Variants in MBD5 observed in about 807,000 individuals in gnomAD.
The protein encoded by MBD5 is methyl-CpG-binding domain protein 5.
MBD5 carries 13 observed loss-of-function variants against 117.3 expected under a neutral mutation model. The observed-to-expected ratio is 0.11, with a 90% CI of 0.07 to 0.18. MBD5 has a LOEUF of 0.18. MBD5 is among the 10% of genes least tolerant of loss of function. The probability of loss-of-function intolerance (pLI) is 1.00; values close to 1 mark genes in which losing one functional copy is unlikely to be tolerated. For synonymous variants in MBD5, 727 were observed against 766.4 expected, an observed-to-expected ratio of 0.95 and a Z score of 0.85; for missense variants, 1,879 against 2,093.8, an observed-to-expected ratio of 0.90 and a Z score of 2.00.
At chr2:148,474,342 C>A (rs569612695) in intron 8 of MBD5, among the ~76,000 whole-genome samples, 1 of 152,278 alleles carries the variant, frequency 6.6e-6, no homozygotes, top group East Asian at 1.9e-4. Context: ...AGTATCCACA[C>A]AATGACCCAT....
At chr2:148,320,919 T>A (rs887876559) in intron 3 of MBD5, among the ~76,000 whole-genome samples, 1 of 152,224 alleles carries the variant, frequency 6.6e-6, no homozygotes, top group Non-Finnish European at 1.5e-5. Flanking sequence ...TATTGGTTTA[T>A]CAATTTTGTT....
intron 4 of MBD5, among the ~76,000 whole-genome samples, chr2:148,403,974 T>C (rs1705001978): frequency 6.6e-6 from 1 of 152,184 alleles, no homozygotes; most frequent in South Asian, 2.1e-4. Context: ...TAAATGAAAT[T>C]ATAGAGTATA....
At chr2:148,110,922 A>G (rs1228064428) in intron 1 of MBD5, among the ~76,000 whole-genome samples, 1 of 151,672 alleles carries the variant, frequency 6.6e-6, no homozygotes, top group Non-Finnish European at 1.5e-5. Context: ...TTTCATTTCT[A>G]TAGCTTCTGA....
Position 148,482,710 on chromosome 2 carries a change from A to T in MBD5, c.2519-400A>T, listed in dbSNP as rs192762924. Among the ~76,000 whole-genome samples, 527 of 152,262 alleles carry T rather than the reference A, an allele frequency of 3.5e-3. 2 individuals are homozygous for T. Among genetic ancestry groups the T allele is most frequent in the African/African-American group, 0.012 (493 of 41,554 alleles). On this transcript the variant is annotated intron_variant, in intron 8 of 13. Coordinates refer to ENST00000642680, the MANE Select transcript of MBD5 (RefSeq NM_001378120.1). Reference sequence around the variant, plus strand: ...ACAAATAACTTTTTTAATGAAAAAAATTTTTAAAATAAAACTACTGCTTTT... The same window carrying T: ...ACAAATAACTTTTTTAATGAAAAAATTTTTTAAAATAAAACTACTGCTTTT...
At chr2:148,101,604 A>G (rs1696218429) in intron 1 of MBD5, among the ~76,000 whole-genome samples, 6 of 152,252 alleles carry the variant, frequency 3.9e-5, no homozygotes, top group African/African-American at 1.4e-4. Context: ...TTCAGAAACT[A>G]TAGGGATTTC....
chr2:148,248,369 A>G (rs1186115514), intron 3 of MBD5, among the ~76,000 whole-genome samples: 1 of 152,182 alleles, frequency 6.6e-6, no homozygotes, highest in Admixed American at 6.5e-5. Context: ...CATAAGTGAT[A>G]CCAAAAAACA....
rs1693735675 is a variant in MBD5 at position 148,021,595 on chromosome 2, C to T, written c.-1014C>T. On this transcript the variant is annotated 5_prime_UTR_variant, in exon 1 of 14. Coordinates refer to ENST00000642680, the MANE Select transcript of MBD5 (RefSeq NM_001378120.1). The stretch of plus-strand genomic sequence containing the variant: ...CCCCAGCTCTCCTCCTCCTCCTTCG[C>T]CTCCTCCTCCTCCACTCCCCCCCTT... The T allele has an allele frequency of 8.5e-6, 4 of 470,484 alleles. No homozygotes were observed. Among genetic ancestry groups the T allele is most frequent in the Non-Finnish European group, 1.7e-5 (4 of 239,310 alleles). The allele number at this position is 470,484 out of a possible 1,614,324, so 29.1% of individuals were successfully genotyped here.
intron 1 of MBD5, among the ~76,000 whole-genome samples, chr2:148,077,812 G>C (rs1317094255): frequency 6.6e-6 from 1 of 152,070 alleles, no homozygotes; most frequent in East Asian, 1.9e-4. Context: ...TAGCATGAGG[G>C]TAGGGTGAAC....
intron 4 of MBD5, among the ~76,000 whole-genome samples, chr2:148,423,917 GC>G (rs1437723274): frequency 2.6e-5 from 4 of 151,960 alleles, no homozygotes; most frequent in Admixed American, 1.3e-4. Flanking sequence ...GGTGGCTCAC[GC>G]CTGTAATCCC....
At chr2:148,475,125 CTG>C (rs1389323238) in intron 8 of MBD5, among the ~76,000 whole-genome samples, 3 of 152,074 alleles carry the variant, frequency 2.0e-5, no homozygotes, top group Non-Finnish European at 2.9e-5. Flanking sequence ...AAGGCTGTGA[CTG>C]AATAAATATG....
At chr2:148,110,823 A>G (rs1696488741) in intron 1 of MBD5, among the ~76,000 whole-genome samples, 1 of 151,700 alleles carries the variant, frequency 6.6e-6, no homozygotes, top group South Asian at 2.1e-4. Context: ...CTACCCTGTA[A>G]GAGACTTCTT....
chr2:148,441,588 C>G (rs1425056795), intron 4 of MBD5, among the ~76,000 whole-genome samples: 1 of 152,120 alleles, frequency 6.6e-6, no homozygotes. Context: ...GTCTTTATAG[C>G]AGCATGACTT....
intron 3 of MBD5, among the ~76,000 whole-genome samples, chr2:148,310,469 T>C (rs1337701957): frequency 6.6e-6 from 1 of 152,206 alleles, no homozygotes; most frequent in Non-Finnish European, 1.5e-5. Context: ...TAGTTTGTAT[T>C]TCTGGGGGAT....
intron 1 of MBD5, among the ~76,000 whole-genome samples, chr2:148,069,613 G>C (rs1249937910): frequency 1.3e-5 from 2 of 151,830 alleles, no homozygotes; most frequent in Non-Finnish European, 2.9e-5. Flanking sequence ...GGCAGTTTTT[G>C]TCTATACAAG....
chr2:148,290,122 A>AT (rs1701468235), intron 3 of MBD5, among the ~76,000 whole-genome samples: 1 of 147,236 alleles, frequency 6.8e-6, no homozygotes, highest in Admixed American at 6.9e-5. Flanking sequence ...CGCCCAGCTA[A>AT]TTTTTTTGTA....
chr2:148,029,134 A>G (rs1408647318), intron 1 of MBD5, among the ~76,000 whole-genome samples: 2 of 152,158 alleles, frequency 1.3e-5, no homozygotes, highest in Non-Finnish European at 2.9e-5. Context: ...TTGACTAGCT[A>G]TAAGCTTTCC....
intron 1 of MBD5, among the ~76,000 whole-genome samples, chr2:148,174,920 G>A (rs925892684): frequency 1.3e-5 from 2 of 152,128 alleles, no homozygotes; most frequent in African/African-American, 4.8e-5. Context: ...AGAATTATCT[G>A]ATGATCCAGC....
intron 3 of MBD5, among the ~76,000 whole-genome samples, chr2:148,298,088 C>G (rs1367629571): frequency 6.6e-6 from 1 of 152,210 alleles, no homozygotes; most frequent in African/African-American, 2.4e-5. Flanking sequence ...AGCATGGAAC[C>G]TGTGCCCTAA....
At chr2:148,212,172 A>ACT (rs1699439613) in intron 2 of MBD5, among the ~76,000 whole-genome samples, 1 of 152,198 alleles carries the variant, frequency 6.6e-6, no homozygotes, top group African/African-American at 2.4e-5. Context: ...TATATCATTC[A>ACT]CTACTGTTCA....
Sources: gnomAD v4.1 joint callset for allele counts (sites outside exome capture counted in the v4.1 genomes callset) on GRCh38, gnomAD v4.1.1 for gene constraint, MANE v1.5 for transcripts, NCBI Gene and HGNC (gene_info 2026-07-23, HGNC 2026-07-21) for gene names.